The following POLQ variants were observed in gnomAD, a reference collection of about 807,000 sequenced individuals.
POLQ encodes DNA polymerase theta.
In POLQ, 233 loss-of-function variants were observed where a neutral mutation model predicts 259.2. The observed-to-expected ratio is 0.90, with a 90% confidence interval of 0.81 to 1.00. POLQ has a LOEUF of 1.00. POLQ is among the 50% of genes least tolerant of loss of function. The pLI is 0.00. For synonymous variants in POLQ, 1,025 were observed against 1,048.8 expected (o/e 0.98, Z 0.44); for missense variants, 2,871 against 3,051.6 (o/e 0.94, Z 1.39).
chr3:121,439,203 TTAA>T (rs1354977494), intron 27 of POLQ, among the ~76,000 whole-genome samples: 2 of 150,706 alleles, frequency 1.3e-5, no homozygotes, highest in African/African-American at 4.9e-5. Flanking sequence ...TTGGGATATC[TTAA>T]TAATCTCTGA....
chr3:121,527,687 G>A (rs1258539443), intron 7 of POLQ, among the ~76,000 whole-genome samples: 1 of 152,104 alleles, frequency 6.6e-6, no homozygotes, highest in Non-Finnish European at 1.5e-5. Flanking sequence ...TCAACTTATG[G>A]TACATAGCAA....
chr3:121,464,264 C>T (rs1274569855), intron 24 of POLQ, among the ~76,000 whole-genome samples: 3 of 152,086 alleles, frequency 2.0e-5, no homozygotes, highest in Non-Finnish European at 4.4e-5. Flanking sequence ...CAGTGGCTCA[C>T]ACCTGTAATC....
intron 6 of POLQ, among the ~76,000 whole-genome samples, chr3:121,532,406 T>C (rs1367872539): frequency 6.6e-6 from 1 of 152,150 alleles, no homozygotes; most frequent in Non-Finnish European, 1.5e-5. Context: ...CGCTACAAGA[T>C]CAGTTATTTT....
chr3:121,542,729 G>C (rs1349470017), intron 2 of POLQ, among the ~76,000 whole-genome samples: 1 of 152,142 alleles, frequency 6.6e-6, no homozygotes, highest in Non-Finnish European at 1.5e-5. Flanking sequence ...AAAACTTTGG[G>C]AGAATCACTT....
chr3:121,487,121 T>C (rs1036280043), intron 16 of POLQ, among the ~76,000 whole-genome samples, 181 bp downstream of exon 16: 2 of 152,124 alleles, frequency 1.3e-5, no homozygotes, highest in Non-Finnish European at 2.9e-5. Context: ...AGGGCAACTA[T>C]CATTAATTAA....
chr3:121,534,184 T>C (rs919629325), intron 5 of POLQ, among the ~76,000 whole-genome samples: 1 of 152,156 alleles, frequency 6.6e-6, no homozygotes, highest in African/African-American at 2.4e-5. Flanking sequence ...CCGATACTGT[T>C]TCAAAAGCCT....
intron 26 of POLQ, among the ~76,000 whole-genome samples, chr3:121,442,488 C>T (rs116119136): frequency 0.015 from 2,213 of 152,254 alleles, 57 homozygotes; most frequent in African/African-American, 0.05. Flanking sequence ...TCTATCTCCA[C>T]GAGTTCAATT....
At chr3:121,539,694 C>T (rs1390657337) in intron 3 of POLQ, 105 bp from the exon 4 acceptor site, 6 of 794,284 alleles carry the variant, frequency 7.6e-6, no homozygotes, top group Non-Finnish European at 1.3e-5. Flanking sequence ...AAGACATCTA[C>T]CAGATTACTG....
Position 121,489,946 on chromosome 3 carries a change from AT to A in POLQ, c.2984del (p.Asp995ValfsTer2), listed in dbSNP as rs2048052132. ...AGGCTCCTGGCTTCTCTTTATTTATATCTAAAGAGGCCCGTTTTCTTGCTCT... is the reference window on the plus strand; with the variant it reads ...AGGCTCCTGGCTTCTCTTTATTTATACTAAAGAGGCCCGTTTTCTTGCTCT... ...IFRARKRASLDINKEKPGASQ... is the reference protein window; with the variant it reads ...IFRARKRASLXINKEKPGASQ... On this transcript the variant is annotated frameshift_variant, in exon 16 of 30. Coordinates refer to ENST00000264233, the MANE Select transcript of POLQ (RefSeq NM_199420.4). LOFTEE classifies it high-confidence loss of function. The A allele has an allele frequency of 6.3e-7, 1 of 1,579,890 alleles. No individual in the cohort carries two copies. Among genetic ancestry groups the A allele is most frequent in the Non-Finnish European group, 8.5e-7 (1 of 1,170,964 alleles).
chr3:121,474,339 G>A (rs1342208218), intron 20 of POLQ, among the ~76,000 whole-genome samples: 1 of 152,168 alleles, frequency 6.6e-6, no homozygotes, highest in Non-Finnish European at 1.5e-5. Flanking sequence ...AATAATGAAT[G>A]CTAGAGAGGG....
chr3:121,470,499 TAGTG>T (rs1271632683), intron 22 of POLQ, among the ~76,000 whole-genome samples: 3 of 152,162 alleles, frequency 2.0e-5, no homozygotes, highest in Admixed American at 6.5e-5. Context: ...CAGCAACTGA[TAGTG>T]AGCACTTTCT....
chr3:121,471,667 G>A (rs1039897551), intron 22 of POLQ, among the ~76,000 whole-genome samples: 23 of 152,070 alleles, frequency 1.5e-4, no homozygotes, highest in African/African-American at 4.8e-4. Flanking sequence ...ACTTGAACCT[G>A]GGAGGCAGAG....
chr3:121,511,984 A>C lies in POLQ; in HGVS notation c.1514T>G (p.Ile505Arg), dbSNP rs753916888. Reference sequence around the variant, plus strand: ...CTTTAGAGAACCCTGAAGGAGAGCTATGCCTTTTGATTTCTCAGAGTTCTT... The same window carrying C: ...CTTTAGAGAACCCTGAAGGAGAGCTCTGCCTTTTGATTTCTCAGAGTTCTT... ...ICKNSEKSKGIALLQGSLKPV... is the reference protein window; with the variant it reads ...ICKNSEKSKGRALLQGSLKPV... The change falls in exon 10 of 30, where the codon ATA (isoleucine) becomes AGA (arginine). Residue 505 changes from isoleucine (I) to arginine (R), a missense_variant. By Grantham distance (97) the Ile-to-Arg change is moderately conservative. Coordinates refer to ENST00000264233, the MANE Select transcript of POLQ (RefSeq NM_199420.4). The C allele has an allele frequency of 3.8e-5, 61 of 1,613,428 alleles. No homozygotes were observed. Among genetic ancestry groups the C allele is most frequent in the Non-Finnish European group, 5.2e-5 (61 of 1,179,532 alleles).
At chr3:121,543,488 T>C (rs1180043900) in intron 2 of POLQ, among the ~76,000 whole-genome samples, 1 of 152,208 alleles carries the variant, frequency 6.6e-6, no homozygotes, top group Non-Finnish European at 1.5e-5. Context: ...AGTTTTCAAA[T>C]CCAACCAGTC....
At chr3:121,453,237 T>A (rs1576401821) in intron 25 of POLQ, among the ~76,000 whole-genome samples, 1 of 152,148 alleles carries the variant, frequency 6.6e-6, no homozygotes, top group Non-Finnish European at 1.5e-5. Context: ...AAAACCCATC[T>A]GTACATCACC....
chr3:121,529,530 T>C, intron 7 of POLQ, 115 bp downstream of exon 7: 1 of 940,674 alleles, frequency 1.1e-6, no homozygotes. Context: ...TACCACCTAG[T>C]GGGCAGGCAG....
At chr3:121,538,059 G>A (rs1325660228) in intron 4 of POLQ, among the ~76,000 whole-genome samples, 2 of 151,954 alleles carry the variant, frequency 1.3e-5, no homozygotes, top group Non-Finnish European at 2.9e-5. Flanking sequence ...CTTCTAAATT[G>A]GCAACTTCAC....
Position 121,485,112 on chromosome 3 carries a change from A to C in POLQ, c.5702T>G (p.Val1901Gly). The change falls in exon 17 of 30, where the codon GTT becomes GGT. Residue 1901 changes from valine (V) to glycine (G), a missense_variant. Transcript: ENST00000264233. ...TCCACCCCAGCATACTGCCAGTCCA[A>C]CCACCAAGGTGTCATCACAACCTTT... Reference protein sequence around the residue: ...PIKGCDDTLVVGLAVCWGGRD... With the variant: ...PIKGCDDTLVGGLAVCWGGRD... 3 of 1,612,194 alleles carry C rather than the reference A, an allele frequency of 1.9e-6. No individual in the cohort carries two copies. The highest frequency in any genetic ancestry group is 2.5e-6 in the Non-Finnish European group (3 of 1,178,478).
rs768423853 is a variant in POLQ, at chr3:121,473,349, C to A, written c.6543+1G>T. On this transcript the variant is annotated splice_donor_variant, in intron 21 of 29. Coordinates refer to ENST00000264233, the MANE Select transcript of POLQ (RefSeq NM_199420.4). LOFTEE classifies it high-confidence loss of function. ...TGCTCTGTGACTGCCCCAAAGAGCA[C>A]CTTACTAGTGCTGAACTGTCTTCCC... 1.2e-6 allele frequency: 2 copies of A among 1,611,584 alleles called. No homozygotes were observed. Among genetic ancestry groups the A allele is most frequent in the South Asian group, 2.2e-5 (2 of 90,320 alleles).
Sources: gnomAD v4.1 joint callset for allele counts (sites outside exome capture counted in the v4.1 genomes callset) on GRCh38, gnomAD v4.1.1 for gene constraint, MANE v1.5 for transcripts, NCBI Gene and HGNC (gene_info 2026-07-23, HGNC 2026-07-21) for gene names.